The following ADAM32 variants were observed in gnomAD, a reference collection of about 807,000 sequenced individuals.
ADAM32 encodes the protein ADAM metallopeptidase domain 32.
Under a neutral mutation model 114.9 loss-of-function variants are expected in ADAM32, and 89 were observed. The ratio of observed to expected loss-of-function variants is 0.77; its 90% CI spans 0.65 to 0.92. The LOEUF (loss-of-function observed/expected upper bound fraction) is 0.92, where lower values mean the gene tolerates loss of function less well. ADAM32 is among the 40% of genes least tolerant of loss of function. ADAM32 has a pLI of 0.00. For missense variants in ADAM32, 870 were observed against 932.8 expected (o/e 0.93, Z 0.88); for synonymous variants, 285 against 307.5 (o/e 0.93, Z 0.77).
chr8:39,179,192 G>C (rs1805699383), intron 10 of ADAM32, among the ~76,000 whole-genome samples: 1 of 152,074 alleles, frequency 6.6e-6, no homozygotes, highest in South Asian at 2.1e-4. Flanking sequence ...CCCAGAGAGA[G>C]ATCAGAGTTC....
At chr8:39,192,884 A>G (rs1165123884) in intron 11 of ADAM32, among the ~76,000 whole-genome samples, 2 of 152,160 alleles carry the variant, frequency 1.3e-5, no homozygotes, top group African/African-American at 4.8e-5. Context: ...TGAGAGGTCC[A>G]CTGTTAGTCT....
chr8:39,207,247 T>G (rs1361573046), intron 11 of ADAM32, among the ~76,000 whole-genome samples: 1 of 152,160 alleles, frequency 6.6e-6, no homozygotes, highest in Admixed American at 6.5e-5. Flanking sequence ...ATTTAATGCC[T>G]GGTTATTTAC....
At position 39,144,178 on chromosome 8, in the gene ADAM32, C is replaced by T. The variant is rs114137164; in HGVS notation, c.201-2952C>T. On this transcript the variant is annotated intron_variant, in intron 3 of 24. Coordinates refer to ENST00000379907, the MANE Select transcript of ADAM32 (RefSeq NM_145004.7). ...AAATCCCCTGACCCCTTGAGCTTCCCGGGTGAGACAACACCCTGTCCTGGT... is the reference window on the plus strand; with the variant it reads ...AAATCCCCTGACCCCTTGAGCTTCCTGGGTGAGACAACACCCTGTCCTGGT... Among the ~76,000 whole-genome samples, 494 of 152,290 alleles carry T rather than the reference C, an allele frequency of 3.2e-3. 2 individuals carry two copies. Among genetic ancestry groups the T allele is most frequent in the African/African-American group, 0.011 (438 of 41,542 alleles).
chr8:39,219,303 G>GA (rs765866216), intron 12 of ADAM32, among the ~76,000 whole-genome samples: 7 of 152,086 alleles, frequency 4.6e-5, no homozygotes, highest in Non-Finnish European at 7.4e-5. Flanking sequence ...GTCTGGCTTA[G>GA]AGCCCAGCTC....
intron 19 of ADAM32, among the ~76,000 whole-genome samples, chr8:39,264,655 G>A (rs770810252): frequency 1.3e-4 from 20 of 152,048 alleles, no homozygotes; most frequent in Non-Finnish European, 1.8e-4. Flanking sequence ...GTTAACCTGA[G>A]ATCTTTCTAA....
intron 6 of ADAM32, among the ~76,000 whole-genome samples, chr8:39,156,657 T>C (rs1332361482): frequency 7.9e-5 from 12 of 152,206 alleles, no homozygotes; most frequent in African/African-American, 2.9e-4. Flanking sequence ...TTTTTCACAA[T>C]TCTGGAGCCT....
rs575272300 is a variant in ADAM32, at chr8:39,270,981, T to C, written c.2201+67T>C. 9.5e-6 allele frequency: 14 copies of C among 1,470,146 alleles called. No individual in the cohort carries two copies. The African/African-American group carries it at 2.0e-4, about 21-fold the overall frequency. 91.1% of individuals were successfully genotyped at this position (1,470,146 alleles called of 1,614,324 possible). A position where few individuals can be genotyped will look rare whatever the true frequency, so the allele number is the denominator to read the frequency against. The stretch of plus-strand genomic sequence containing the variant: ...TTAAGAGTTAATTGATAATTCACAA[T>C]TTATTTCCAATTTTTTTTTGAACAT... On this transcript the variant is annotated intron_variant, in intron 20 of 24. Coordinates refer to ENST00000379907, the MANE Select transcript of ADAM32 (RefSeq NM_145004.7).
At chr8:39,151,979 C>T (rs1302309230) in intron 6 of ADAM32, among the ~76,000 whole-genome samples, 1 of 152,002 alleles carries the variant, frequency 6.6e-6, no homozygotes, top group East Asian at 1.9e-4. Context: ...CTTTCTGTTA[C>T]CTAACAATTT....
intron 11 of ADAM32, among the ~76,000 whole-genome samples, chr8:39,187,927 T>G (rs1806353676): frequency 1.3e-5 from 2 of 152,224 alleles, no homozygotes; most frequent in African/African-American, 4.8e-5. Context: ...ATTTCTAAAC[T>G]TATTAATCTT....
intron 22 of ADAM32, among the ~76,000 whole-genome samples, chr8:39,278,573 C>T (rs1767054254): frequency 6.6e-6 from 1 of 151,964 alleles, no homozygotes; most frequent in South Asian, 2.1e-4. Context: ...CATTACTCTC[C>T]CATATTATTG....
chr8:39,202,360 G>T lies in ADAM32; in HGVS notation c.1053-8784G>T, dbSNP rs186553550. 3.6e-3 allele frequency among the ~76,000 whole-genome samples: 554 copies of T among 152,258 alleles called. 5 individuals carry two copies. The highest frequency in any genetic ancestry group is 0.012 in the African/African-American group (508 of 41,550). ...TTCTTCCTGGCTTAGTCTTGGGAGGGTGTATGTGTCCAGGAATTTATCTGT... is the reference window on the plus strand; with the variant it reads ...TTCTTCCTGGCTTAGTCTTGGGAGGTTGTATGTGTCCAGGAATTTATCTGT... On this transcript the variant is annotated intron_variant, in intron 11 of 24. Transcript: ENST00000379907.
At chr8:39,167,879 A>G (rs1014837577) in intron 9 of ADAM32, 2 of 152,104 alleles carry the variant, frequency 1.3e-5, no homozygotes, top group Non-Finnish European at 1.5e-5. Context: ...TGATTTGTGT[A>G]CATTAATCTT....
intron 19 of ADAM32, among the ~76,000 whole-genome samples, chr8:39,265,527 C>A (rs896915819): frequency 6.6e-6 from 1 of 152,108 alleles, no homozygotes; most frequent in African/African-American, 2.4e-5. Context: ...CAGATTTGAT[C>A]CTGTCATCAT....
chr8:39,257,202 G>T lies in ADAM32; in HGVS notation c.2021G>T (p.Arg674Ile). The change falls in exon 19 of 25, where the codon AGA becomes ATA. Residue 674 changes from arginine (R) to isoleucine (I), a missense_variant. Arg to Ile is a moderately conservative substitution (Grantham distance 97). Transcript: ENST00000379907. ...PEEDMGSIME[R>I]ASGKTENTWL... ...CTGTTTTTAGGTTCAATCATGGAAA[G>T]AGCATCTGGGAAGACTGAAAACACC... 6.3e-7 allele frequency: 1 copy of T among 1,583,668 alleles called. No individual in the cohort carries two copies. Among genetic ancestry groups the T allele is most frequent in the Admixed American group, 1.7e-5 (1 of 57,440 alleles).
chr8:39,241,871 C>A (rs1810582171), intron 16 of ADAM32, among the ~76,000 whole-genome samples: 1 of 152,210 alleles, frequency 6.6e-6, no homozygotes, highest in Non-Finnish European at 1.5e-5. Flanking sequence ...GCTTGAATTT[C>A]TTTTCAGCAA....
At chr8:39,159,961 C>T (rs1804392130) in intron 6 of ADAM32, among the ~76,000 whole-genome samples, 1 of 152,058 alleles carries the variant, frequency 6.6e-6, no homozygotes, top group Non-Finnish European at 1.5e-5. Context: ...AGCTTTTTTC[C>T]CCCCTCAAGC....
chr8:39,179,962 A>G (rs1418997808), intron 10 of ADAM32, among the ~76,000 whole-genome samples: 1 of 152,182 alleles, frequency 6.6e-6, no homozygotes, highest in Non-Finnish European at 1.5e-5. Context: ...GGCAGTCCTC[A>G]GAGCCCTCGC....
intron 11 of ADAM32, among the ~76,000 whole-genome samples, chr8:39,196,128 T>C (rs2129447595): frequency 6.6e-6 from 1 of 152,336 alleles, no homozygotes; most frequent in African/African-American, 2.4e-5. Flanking sequence ...CTTTCTTGAT[T>C]TATTATTCAG....
In ADAM32 at chr8:39,160,888, T is replaced by C. The variant is rs766716123; in HGVS notation, c.526-9T>C. On this transcript the variant is annotated splice_polypyrimidine_tract_variant and intron_variant, in intron 6 of 24. Coordinates refer to ENST00000379907, the MANE Select transcript of ADAM32 (RefSeq NM_145004.7). Reference sequence around the variant, plus strand: ...TTCATGTATTATATGCTGTTTTCCTTTTTTCTAGTCAGAACCAGCTGTTCC... The same window carrying C: ...TTCATGTATTATATGCTGTTTTCCTCTTTTCTAGTCAGAACCAGCTGTTCC... 1 of 1,577,552 alleles carries C rather than the reference T, an allele frequency of 6.3e-7. No individual in the cohort carries two copies. Among genetic ancestry groups the C allele is most frequent in the South Asian group, 1.2e-5 (1 of 82,820 alleles).
Sources: allele counts gnomAD v4.1 joint callset (sites outside exome capture counted in the v4.1 genomes callset), GRCh38; gene constraint gnomAD v4.1.1; transcripts MANE v1.5; gene names NCBI Gene and HGNC (gene_info 2026-07-23, HGNC 2026-07-21).